Variants in ARMC12 observed in about 807,000 individuals in gnomAD.
ARMC12 encodes armadillo repeat containing 12.
ARMC12 carries 25 observed loss-of-function variants against 37.4 expected under a neutral mutation model. That is an observed-to-expected ratio of 0.67 (90% CI 0.49 to 0.93). The LOEUF is 0.93. Among genes scored for constraint, ARMC12 ranks in the 40% least tolerant of loss-of-function variants. The pLI is 0.00. For missense variants in ARMC12, 384 were observed against 426.6 expected, an observed-to-expected ratio of 0.90 and a Z score of 0.88; for synonymous variants, 167 against 176.1, an observed-to-expected ratio of 0.95 and a Z score of 0.41.
intron 3 of ARMC12, among the ~76,000 whole-genome samples, chr6:35,739,803 G>A (rs372959194): frequency 6.6e-5 from 10 of 152,160 alleles, no homozygotes; most frequent in Admixed American, 5.2e-4. Flanking sequence ...ACCTCCACAC[G>A]TTCAGCAACC....
chr6:35,733,501 C>G (rs1766882958), upstream of ARMC12, among the ~76,000 whole-genome samples: 1 of 152,148 alleles, frequency 6.6e-6, no homozygotes, highest in South Asian at 2.1e-4. Flanking sequence ...AAAGCTAAGT[C>G]CATGACTAAA....
Position 35,738,191 on chromosome 6 carries a change from C to T in ARMC12, c.309+19C>T, listed in dbSNP as rs763626625. On this transcript the variant is annotated intron_variant, in intron 2 of 5. Transcript: ENST00000373866. The stretch of plus-strand genomic sequence containing the variant: ...GGCTGAGGTAAGGGAAGCAGGAGGT[C>T]CCCCCTAGCCGGCCTGGCCCCTGGG... 3.7e-6 allele frequency: 6 copies of T among 1,606,670 alleles called. No individual in the cohort carries two copies. The highest frequency in any genetic ancestry group is 4.3e-6 in the Non-Finnish European group (5 of 1,176,266).
intron 3 of ARMC12, among the ~76,000 whole-genome samples, chr6:35,741,154 G>A (rs570283495): frequency 4.6e-4 from 70 of 152,116 alleles, no homozygotes; most frequent in African/African-American, 1.6e-3. Context: ...GGTCTCTTTC[G>A]TGAATACTCT....
chr6:35,736,511 C>G (rs1443766282), upstream of ARMC12, among the ~76,000 whole-genome samples: 2 of 152,222 alleles, frequency 1.3e-5, no homozygotes, highest in South Asian at 2.1e-4. Flanking sequence ...CTGCTGGGGT[C>G]CCCCCTTAAA....
At position 35,737,910 on chromosome 6, in the gene ARMC12, G is replaced by T; in HGVS notation, c.164-117G>T. On this transcript the variant is annotated intron_variant, in intron 1 of 5. Transcript: ENST00000373866. Reference sequence around the variant, plus strand: ...ATGGTGGTCCTGCATATGGCGAGAAGGCTTCTCCGAAAAGGCAAGGCAGCC... The same window carrying T: ...ATGGTGGTCCTGCATATGGCGAGAATGCTTCTCCGAAAAGGCAAGGCAGCC... 2.1e-6 allele frequency: 3 copies of T among 1,431,334 alleles called. No individual in the cohort carries two copies. The Admixed American group carries it at 5.1e-5, about 24-fold the overall frequency. 88.7% of individuals were successfully genotyped at this position (1,431,334 alleles called of 1,614,324 possible). A position where few individuals can be genotyped will look rare whatever the true frequency, so the allele number is the denominator to read the frequency against.
chr6:35,748,856 A>T lies in ARMC12; in HGVS notation c.1009A>T (p.Lys337Ter). ...CTGCCAGCCCAGTCGTTCCTACTTT[A>T]AAAACACGGAATAAAATTAAGGAGA... is the stretch of plus-strand genomic sequence containing the variant. ...SSCQPSRSYF[K>*]NTE The change falls in exon 6 of 6, where the codon AAA becomes TAA. Residue 337 changes from lysine to a stop codon, truncating the protein, a stop_gained. Coordinates refer to ENST00000373866, the MANE Select transcript of ARMC12 (RefSeq NM_001286574.2). LOFTEE classifies it high-confidence loss of function. 6.2e-7 allele frequency: 1 copy of T among 1,609,716 alleles called. No individual in the cohort carries two copies. The highest frequency in any genetic ancestry group is 8.5e-7 in the Non-Finnish European group (1 of 1,178,158).
At chr6:35,736,447 C>T (rs1312550529), upstream of ARMC12, among the ~76,000 whole-genome samples, 2 of 152,188 alleles carry the variant, frequency 1.3e-5, no homozygotes, top group Admixed American at 6.5e-5. Flanking sequence ...GGCCCCAGCC[C>T]GGAAATGGAC....
At chr6:35,737,396 A>G (rs1767001459) in intron 1 of ARMC12, 125 bp downstream of exon 1, 1 of 1,609,388 alleles carries the variant, frequency 6.2e-7, no homozygotes, top group Non-Finnish European at 8.5e-7. Context: ...TCTCTTGTCC[A>G]TCTTCCTCAA....
rs368144123 is a variant in ARMC12 at position 35,747,596 on chromosome 6, G to A, written c.639G>A (p.Leu213=). The change falls in exon 5 of 6, where the codon CTG becomes CTA. Residue 213 remains leucine (L), a synonymous_variant. Coordinates refer to ENST00000373866, the MANE Select transcript of ARMC12 (RefSeq NM_001286574.2). The stretch of plus-strand genomic sequence containing the variant: ...TTCAGGTGCAAGCCGTACGACTGCT[G>A]AGCTACCTGGCACAGAAGAATGACC... ...ILAQVQAVRL[L]SYLAQKNDLL... is the part of the protein sequence containing the mutation. 16 of 1,614,072 alleles carry A rather than the reference G, an allele frequency of 9.9e-6. No individual in the cohort carries two copies. In the Admixed American group the frequency reaches 1.2e-4, roughly 12 times the overall value.
upstream of ARMC12, among the ~76,000 whole-genome samples, chr6:35,732,217 T>C (rs551882459): frequency 3.7e-3 from 566 of 152,252 alleles, 8 homozygotes; most frequent in African/African-American, 0.013. Flanking sequence ...ATCTGGTTCC[T>C]GGGCAGGAGT....
At position 35,747,307 on chromosome 6, in the gene ARMC12, C is replaced by T. The variant is rs372805979; in HGVS notation, c.491C>T (p.Thr164Met). The change falls in exon 4 of 6, where the codon ACG becomes ATG. Residue 164 changes from threonine (T) to methionine (M), a missense_variant. Physicochemically the swap from Thr to Met is moderately conservative, Grantham distance 81. Coordinates refer to ENST00000373866, the MANE Select transcript of ARMC12 (RefSeq NM_001286574.2). The part of the protein sequence containing the change: ...VLELISTIWD[T>M]ELHIAGLRLL... ...GAACTGATCTCCACCATCTGGGACACGGAACTGCACATTGCGGGCCTCAGA... is the reference window on the plus strand; with the variant it reads ...GAACTGATCTCCACCATCTGGGACATGGAACTGCACATTGCGGGCCTCAGA... 65 of 1,613,404 alleles carry T rather than the reference C, an allele frequency of 4.0e-5. No individual in the cohort carries two copies. Among genetic ancestry groups the T allele is most frequent in the Non-Finnish European group, 4.5e-5 (53 of 1,180,046 alleles).
intron 3 of ARMC12, among the ~76,000 whole-genome samples, chr6:35,740,435 C>T (rs935278106): frequency 6.6e-6 from 1 of 152,144 alleles, no homozygotes; most frequent in African/African-American, 2.4e-5. Context: ...GGCTCCAACC[C>T]CTCCCATCTT....
At chr6:35,747,467 G>A in intron 4 of ARMC12, 33 bp downstream of exon 4, 3 of 1,613,860 alleles carry the variant, frequency 1.9e-6, no homozygotes, top group Middle Eastern at 3.3e-4. Flanking sequence ...GCCCTGCCTT[G>A]CTGACCAGCC....
At chr6:35,742,696 TC>T (rs1255262865) in intron 3 of ARMC12, among the ~76,000 whole-genome samples, 1 of 152,110 alleles carries the variant, frequency 6.6e-6, no homozygotes, top group Non-Finnish European at 1.5e-5. Flanking sequence ...TCAATTTCCA[TC>T]TAGCTGTGCC....
upstream of ARMC12, among the ~76,000 whole-genome samples, chr6:35,732,478 G>A: frequency 6.6e-6 from 1 of 152,228 alleles, no homozygotes; most frequent in Admixed American, 6.5e-5. Flanking sequence ...ACCCCACACT[G>A]TTGGGATGTG....
In ARMC12 at chr6:35,747,294, A is replaced by C. The variant is rs776048908; in HGVS notation, c.478A>C (p.Thr160Pro). Residue 160 changes from threonine (T) to proline (P), a missense_variant, in exon 4 of 6, where the codon ACC (threonine) becomes CCC (proline). Thr to Pro is a conservative substitution (Grantham distance 38, BLOSUM62 -1). Transcript: ENST00000373866. ...CATCAAAGTACTCGAACTGATCTCC[A>C]CCATCTGGGACACGGAACTGCACAT... ...HSIKVLELIS[T>P]IWDTELHIAG... The C allele has an allele frequency of 8.1e-6, 13 of 1,612,970 alleles. No homozygotes were observed. The highest frequency in any genetic ancestry group is 9.3e-6 in the Non-Finnish European group (11 of 1,179,984).
At chr6:35,740,088 G>A (rs768691287) in intron 3 of ARMC12, among the ~76,000 whole-genome samples, 1 of 152,194 alleles carries the variant, frequency 6.6e-6, no homozygotes, top group Admixed American at 6.5e-5. Context: ...GGTTTCAGGA[G>A]CTCTGTTCCT....
At chr6:35,742,253 CT>C (rs1277148263) in intron 3 of ARMC12, among the ~76,000 whole-genome samples, 2 of 151,552 alleles carry the variant, frequency 1.3e-5, no homozygotes, top group Non-Finnish European at 2.9e-5. Flanking sequence ...AATCCCAGCA[CT>C]TTGGGAGGCT....
Position 35,737,235 on chromosome 6 carries a change from C to A in ARMC12, c.127C>A (p.Pro43Thr). Reference sequence around the variant, plus strand: ...CATCAAGGCTGGCATAAAATGCAAACCACCCCTCTGTAGCAACTCACCCAT... The same window carrying A: ...CATCAAGGCTGGCATAAAATGCAAAACACCCCTCTGTAGCAACTCACCCAT... ...KAIKAGIKCK[P>T]PLCSNSPICI... Residue 43 changes from proline (P) to threonine (T), a missense_variant, in exon 1 of 6, where the codon CCA becomes ACA. By Grantham distance (38) the Pro-to-Thr change is conservative. Coordinates refer to ENST00000373866, the MANE Select transcript of ARMC12 (RefSeq NM_001286574.2). 5 of 1,614,262 alleles carry A rather than the reference C, an allele frequency of 3.1e-6. No individual in the cohort carries two copies. Among genetic ancestry groups the A allele is most frequent in the Non-Finnish European group, 4.2e-6 (5 of 1,180,056 alleles).
Sources: gnomAD v4.1 joint callset for allele counts (sites outside exome capture counted in the v4.1 genomes callset) on GRCh38, gnomAD v4.1.1 for gene constraint, MANE v1.5 for transcripts, NCBI Gene and HGNC (gene_info 2026-07-23, HGNC 2026-07-21) for gene names.